Variants in TRPC4AP observed in about 807,000 individuals in gnomAD.
The protein encoded by TRPC4AP is transient receptor potential cation channel subfamily C member 4 associated protein, also known as short transient receptor potential channel 4-associated protein.
A neutral mutation model predicts 99.0 loss-of-function variants in TRPC4AP; 45 were observed. The ratio of observed to expected loss-of-function variants is 0.45; its 90% confidence interval spans 0.36 to 0.58. TRPC4AP has a LOEUF of 0.58. Among genes scored for constraint, TRPC4AP ranks in the 20% least tolerant of loss-of-function variants. The probability of loss-of-function intolerance (pLI) is 0.00; values close to 1 mark genes in which losing one functional copy is unlikely to be tolerated. For missense variants in TRPC4AP, 879 were observed against 985.3 expected, an observed-to-expected ratio of 0.89 and a Z score of 1.44; for synonymous variants, 408 against 385.8, an observed-to-expected ratio of 1.06 and a Z score of -0.67.
intron 1 of TRPC4AP, 75 bp from the exon 2 acceptor site, chr20:35,078,249 C>A: frequency 6.6e-7 from 1 of 1,517,442 alleles, no homozygotes; most frequent in East Asian, 2.3e-5. Flanking sequence ...GGAGAGCAGC[C>A]GACTTCCAAA....
At chr20:35,082,121 C>T (rs2084663079) in intron 1 of TRPC4AP, among the ~76,000 whole-genome samples, 1 of 152,088 alleles carries the variant, frequency 6.6e-6, no homozygotes. Context: ...CTTCAACATA[C>T]ATAAAGCAAA....
intron 1 of TRPC4AP, among the ~76,000 whole-genome samples, chr20:35,085,501 T>C (rs2146038113): frequency 6.6e-6 from 1 of 151,342 alleles, no homozygotes; most frequent in East Asian, 1.9e-4. Context: ...TAGTCCCAGA[T>C]ACTCGGGAGG....
chr20:35,031,708 A>G (rs963766330), intron 8 of TRPC4AP, among the ~76,000 whole-genome samples: 1 of 151,768 alleles, frequency 6.6e-6, no homozygotes, highest in African/African-American at 2.4e-5. Context: ...CCCATTATGC[A>G]TATCTTGGTG....
chr20:35,007,565 C>A lies in TRPC4AP; in HGVS notation c.1671G>T (p.Lys557Asn), dbSNP rs750248599. The change falls in exon 14 of 19, where the codon AAG (lysine) becomes AAT (asparagine). Residue 557 changes from lysine (K) to asparagine (N), a missense_variant. By Grantham distance (94) the Lys-to-Asn change is moderately conservative (BLOSUM62 0). Around this residue, in one of 3 missense-constraint regions of TRPC4AP, gnomAD observed 52 missense variants for 88.7 expected, o/e 0.59. Transcript: ENST00000252015. Reference protein sequence around the residue: ...TSYADQMFLLKRGLLEHILYC... With the variant: ...TSYADQMFLLNRGLLEHILYC... ...CAGATCATACCTCCAAGAGGCCTCGCTTCAGCAGGAACATCTGGTCTGCAT... is the reference window on the plus strand; with the variant it reads ...CAGATCATACCTCCAAGAGGCCTCGATTCAGCAGGAACATCTGGTCTGCAT... 2 of 1,614,196 alleles carry A rather than the reference C, an allele frequency of 1.2e-6. No individual in the cohort carries two copies. Among genetic ancestry groups the A allele is most frequent in the Admixed American group, 3.3e-5 (2 of 60,024 alleles).
At position 35,085,670 on chromosome 20, in the gene TRPC4AP, C is replaced by T. The variant is rs114367106; in HGVS notation, c.168+6944G>A. On this transcript the variant is annotated intron_variant, in intron 1 of 18. Transcript: ENST00000252015. ...CCTTGTGAACAGCTCAGCACTGTGA[C>T]AAAAGTGCCACCATTCAGTCATCTT... Among the ~76,000 whole-genome samples the T allele has an allele frequency of 5.6e-3, 842 of 150,098 alleles. 9 individuals are homozygous for T. Among genetic ancestry groups the T allele is most frequent in the African/African-American group, 0.02 (813 of 40,676 alleles).
Position 35,073,457 on chromosome 20 carries a change from T to C in TRPC4AP, c.298-4045A>G, listed in dbSNP as rs539342366. Among the ~76,000 whole-genome samples, 143 of 152,330 alleles carry C rather than the reference T, an allele frequency of 9.4e-4. 2 individuals are homozygous for C. Among genetic ancestry groups the C allele is most frequent in the South Asian group, 2.1e-3 (10 of 4,826 alleles). On this transcript the variant is annotated intron_variant, in intron 2 of 18. Transcript: ENST00000252015. Reference sequence around the variant, plus strand: ...ATTATTTTAAGATACGTCCCATCAATACCTAGTTTATTGAGAGTTTTCAGC... The same window carrying C: ...ATTATTTTAAGATACGTCCCATCAACACCTAGTTTATTGAGAGTTTTCAGC...
At chr20:35,042,946 C>T (rs1468971591) in intron 7 of TRPC4AP, among the ~76,000 whole-genome samples, 2 of 152,152 alleles carry the variant, frequency 1.3e-5, no homozygotes, top group African/African-American at 2.4e-5. Context: ...TATTAATAAC[C>T]ACTTTATGTT....
intron 8 of TRPC4AP, among the ~76,000 whole-genome samples, chr20:35,022,937 C>G (rs2082929391): frequency 6.6e-6 from 1 of 151,514 alleles, no homozygotes; most frequent in South Asian, 2.1e-4. Context: ...GTGGAAGGAT[C>G]GCTTGAGCCT....
chr20:35,061,300 T>C (rs1261038913), intron 3 of TRPC4AP, among the ~76,000 whole-genome samples: 1 of 152,188 alleles, frequency 6.6e-6, no homozygotes, highest in African/African-American at 2.4e-5. Context: ...GCAAGACTTG[T>C]ACAACAAAAC....
At chr20:35,040,899 T>C (rs756989061) in intron 7 of TRPC4AP, among the ~76,000 whole-genome samples, 1 of 152,116 alleles carries the variant, frequency 6.6e-6, no homozygotes, top group Non-Finnish European at 1.5e-5. Flanking sequence ...TACAGGGAAG[T>C]AATTAAGGTT....
At chr20:35,012,767 T>C (rs2082665933) in intron 11 of TRPC4AP, among the ~76,000 whole-genome samples, 1 of 152,212 alleles carries the variant, frequency 6.6e-6, no homozygotes, top group Non-Finnish European at 1.5e-5. Context: ...ACGACTTCCA[T>C]ACTCAGTTCC....
At chr20:35,048,981 T>G (rs1346908758) in intron 6 of TRPC4AP, among the ~76,000 whole-genome samples, 2 of 152,118 alleles carry the variant, frequency 1.3e-5, no homozygotes, top group Non-Finnish European at 2.9e-5. Context: ...CAAGAAGAAA[T>G]GAACGCTGGG....
chr20:35,053,923 GA>G (rs1438458065), intron 5 of TRPC4AP, among the ~76,000 whole-genome samples: 1 of 152,184 alleles, frequency 6.6e-6, no homozygotes, highest in African/African-American at 2.4e-5. Context: ...TATAGATGCT[GA>G]ATTACGTAAG....
chr20:35,030,380 T>C (rs2083159263), intron 8 of TRPC4AP: 1 of 152,176 alleles, frequency 6.6e-6, no homozygotes, highest in South Asian at 2.1e-4. Context: ...CTAATCTCTG[T>C]ACTGTTCCAA....
At chr20:35,035,445 T>C (rs981948171) in intron 7 of TRPC4AP, 137 bp from the exon 8 acceptor site, 12 of 966,058 alleles carry the variant, frequency 1.2e-5, no homozygotes, top group African/African-American at 3.3e-5. Flanking sequence ...TTAAAATGAA[T>C]GTCAAACCAA....
At chr20:35,024,825 C>CA (rs778161091) in intron 8 of TRPC4AP, among the ~76,000 whole-genome samples, 773 of 35,748 alleles carry the variant, frequency 0.022, 57 homozygotes, top group South Asian at 0.044. Context: ...GAGACCGTCT[C>CA]AAAAAAAAAA....
rs1342216978 is a variant in TRPC4AP, at chr20:35,008,564, G to A, written c.1595+100C>T. On this transcript the variant is annotated intron_variant, in intron 13 of 18. Transcript: ENST00000252015. Reference sequence around the variant, plus strand: ...CCCCAACAGTAATTGTGCTTCAGGAGGCATGGACGCTGGTGACTAAAGGAG... The same window carrying A: ...CCCCAACAGTAATTGTGCTTCAGGAAGCATGGACGCTGGTGACTAAAGGAG... 1.2e-5 allele frequency: 12 copies of A among 982,622 alleles called. No homozygotes were observed. The Admixed American group carries it at 2.4e-4, about 20-fold the overall frequency. 60.9% of individuals were successfully genotyped at this position (982,622 alleles called of 1,614,324 possible).
chr20:35,003,035 C>T lies in TRPC4AP; in HGVS notation c.*111G>A. 6.8e-7 allele frequency: 1 copy of T among 1,479,462 alleles called. No homozygotes were observed. The highest frequency in any genetic ancestry group is 9.2e-7 in the Non-Finnish European group (1 of 1,090,776). The allele number at this position is 1,479,462 out of a possible 1,614,324, so 91.6% of individuals were successfully genotyped here. A position where few individuals can be genotyped will look rare whatever the true frequency, so the allele number is the denominator to read the frequency against. ...CTCCCACCAAGCCTGTACCCAAAGA[C>T]CTGGGGCAGGCAGAGAGCAGCAGGG... On this transcript the variant is annotated 3_prime_UTR_variant, in exon 19 of 19. Transcript: ENST00000252015.
intron 7 of TRPC4AP, among the ~76,000 whole-genome samples, chr20:35,039,284 G>A (rs1257027546): frequency 2.0e-5 from 3 of 152,098 alleles, no homozygotes; most frequent in South Asian, 2.1e-4. Context: ...GGAAGTGCCC[G>A]GTACTCAGGG....
Sources: allele counts gnomAD v4.1 joint callset (sites outside exome capture counted in the v4.1 genomes callset), GRCh38; gene constraint gnomAD v4.1.1; regional missense constraint gnomAD v4.1.1; transcripts MANE v1.5; gene names NCBI Gene and HGNC (gene_info 2026-07-23, HGNC 2026-07-21).